The following ACAD9 variants were observed in gnomAD, a reference collection of about 807,000 sequenced individuals.
ACAD9 encodes complex I assembly factor ACAD9, mitochondrial.
A neutral mutation model predicts 70.2 loss-of-function variants in ACAD9; 53 were observed. The ratio of observed to expected loss-of-function variants is 0.75; its 90% CI spans 0.61 to 0.95. The LOEUF is 0.95. ACAD9 is among the 40% of genes least tolerant of loss of function. The probability of loss-of-function intolerance (pLI) is 0.00; values close to 1 mark genes in which losing one functional copy is unlikely to be tolerated. For synonymous variants in ACAD9, 313 were observed against 312.1 expected (o/e 1.00, Z -0.03); for missense variants, 777 against 802.8 (o/e 0.97, Z 0.39).
intron 2 of ACAD9, among the ~76,000 whole-genome samples, chr3:128,890,931 T>A (rs1477989265): frequency 6.7e-6 from 1 of 150,292 alleles, no homozygotes; most frequent in Non-Finnish European, 1.5e-5. Flanking sequence ...AACCTCTGCC[T>A]CCCAGGTTCA....
chr3:128,880,932 T>C (rs1354214262), intron 1 of ACAD9, among the ~76,000 whole-genome samples: 1 of 152,246 alleles, frequency 6.6e-6, no homozygotes, highest in East Asian at 1.9e-4. Context: ...CTCTTTCCTT[T>C]GTATTTCATT....
intron 1 of ACAD9, among the ~76,000 whole-genome samples, chr3:128,882,911 C>T (rs1935134568): frequency 6.6e-6 from 1 of 152,100 alleles, no homozygotes; most frequent in Non-Finnish European, 1.5e-5. Context: ...TACCTGAAGG[C>T]CAATTAGTTG....
chr3:128,907,324 C>T (rs550396993), intron 12 of ACAD9, among the ~76,000 whole-genome samples: 34 of 152,246 alleles, frequency 2.2e-4, no homozygotes, highest in African/African-American at 7.7e-4. Context: ...AGCCTGAGGG[C>T]ACTGGAGTGG....
chr3:128,905,072 G>GT (rs1321055245), intron 11 of ACAD9, among the ~76,000 whole-genome samples: 2 of 152,092 alleles, frequency 1.3e-5, no homozygotes, highest in Non-Finnish European at 1.5e-5. Flanking sequence ...CTTGAACCCG[G>GT]TGGGGGCGGA....
intron 2 of ACAD9, among the ~76,000 whole-genome samples, chr3:128,889,178 A>G (rs144708104): frequency 6.6e-6 from 1 of 151,592 alleles, no homozygotes; most frequent in Non-Finnish European, 1.5e-5. Flanking sequence ...AAAAAAAAAA[A>G]ACAAAAAATA....
intron 1 of ACAD9, 22 bp downstream of exon 1, chr3:128,879,863 C>G (rs1253542989): frequency 8.7e-6 from 14 of 1,613,744 alleles, no homozygotes; most frequent in Non-Finnish European, 1.2e-5. Flanking sequence ...CCTGGGCGAA[C>G]CCTTGCTGTC....
chr3:128,889,851 T>G (rs1290859055), intron 2 of ACAD9, among the ~76,000 whole-genome samples: 1 of 152,182 alleles, frequency 6.6e-6, no homozygotes, highest in Non-Finnish European at 1.5e-5. Context: ...AGACAGGGTC[T>G]TTCTTTGTTG....
intron 2 of ACAD9, among the ~76,000 whole-genome samples, chr3:128,886,460 G>A (rs1935251947): frequency 6.6e-6 from 1 of 150,738 alleles, no homozygotes; most frequent in Non-Finnish European, 1.5e-5. Context: ...TGTAATCCCA[G>A]CACTTACGGA....
intron 13 of ACAD9, 153 bp downstream of exon 13, chr3:128,908,417 G>T (rs891702930): frequency 3.3e-6 from 3 of 897,430 alleles, no homozygotes; most frequent in Admixed American, 2.0e-5. Flanking sequence ...CTGTGGTAGT[G>T]GGGGGCTTGC....
chr3:128,903,648 G>T (rs57412447), intron 9 of ACAD9, among the ~76,000 whole-genome samples: 1 of 152,356 alleles, frequency 6.6e-6, no homozygotes, highest in East Asian at 1.9e-4. Context: ...ACCTGCTTTG[G>T]TCACTGCACG....
intron 11 of ACAD9, among the ~76,000 whole-genome samples, 196 bp from the exon 12 acceptor site, chr3:128,905,922 CAGA>C (rs1935874067): frequency 6.6e-6 from 1 of 152,030 alleles, no homozygotes; most frequent in Non-Finnish European, 1.5e-5. Flanking sequence ...CCCAGAGGTA[CAGA>C]AGGTCATGGT....
intron 7 of ACAD9, among the ~76,000 whole-genome samples, chr3:128,900,749 G>A (rs903985612): frequency 1.3e-5 from 2 of 152,152 alleles, no homozygotes; most frequent in Admixed American, 1.3e-4. Flanking sequence ...TACCTAGCAG[G>A]CAGGGAAAGG....
In ACAD9 at chr3:128,904,099, TAACAA is replaced by T; in HGVS notation, c.997_1001del (p.Asn333GlufsTer4). The T allele has an allele frequency of 6.2e-7, 1 of 1,614,262 alleles. No individual in the cohort carries two copies. The highest frequency in any genetic ancestry group is 1.3e-5 in the African/African-American group (1 of 75,074). On this transcript the variant is annotated frameshift_variant, in exon 10 of 18. Coordinates refer to ENST00000308982, the MANE Select transcript of ACAD9 (RefSeq NM_014049.5). LOFTEE classifies it high-confidence loss of function. ...AGTACGCCTGCACAAGGAAACAGTTTAACAAGAGGCTCAGTGAATTTGGATTGATT... is the reference window on the plus strand; with the variant it reads ...AGTACGCCTGCACAAGGAAACAGTTTGAGGCTCAGTGAATTTGGATTGATT...
intron 2 of ACAD9, among the ~76,000 whole-genome samples, chr3:128,887,931 A>G (rs1427431395): frequency 1.3e-5 from 2 of 152,186 alleles, no homozygotes; most frequent in African/African-American, 4.8e-5. Flanking sequence ...TGCCACGGAA[A>G]TAGAGGCACT....
rs766026673 is a variant in ACAD9 at position 128,884,650 on chromosome 3, TAG to T, written c.151-1_151del. On this transcript the variant is annotated splice_acceptor_variant, in intron 1 of 17. Coordinates refer to ENST00000308982, the MANE Select transcript of ACAD9 (RefSeq NM_014049.5). LOFTEE classifies it high-confidence loss of function. ...TTTTTTAGAAAATATTTACTATTTT[TAG>T]AAAGAAGTTTTCCCATTTCCAGAAG... 9.4e-6 allele frequency: 15 copies of T among 1,602,772 alleles called. No homozygotes were observed. The highest frequency in any genetic ancestry group is 2.6e-6 in the Non-Finnish European group (3 of 1,172,086).
chr3:128,898,743 C>T (rs565117249), intron 6 of ACAD9, among the ~76,000 whole-genome samples: 1 of 152,278 alleles, frequency 6.6e-6, no homozygotes, highest in South Asian at 2.1e-4. Context: ...CCCTGATTGC[C>T]TCATACCTTT....
chr3:128,909,857 T>TG (rs1936070720), intron 15 of ACAD9, 164 bp from the exon 16 acceptor site: 2 of 943,846 alleles, frequency 2.1e-6, no homozygotes, highest in African/African-American at 3.3e-5. Context: ...AAACAGAAGG[T>TG]GGCTGGGAGC....
intron 6 of ACAD9, among the ~76,000 whole-genome samples, chr3:128,898,982 T>C (rs897259541): frequency 3.3e-5 from 5 of 152,252 alleles, no homozygotes; most frequent in Non-Finnish European, 5.9e-5. Flanking sequence ...TTAAACCCTT[T>C]CTTTCTTGAA....
chr3:128,887,846 C>T (rs1935299198), intron 2 of ACAD9, among the ~76,000 whole-genome samples: 1 of 152,062 alleles, frequency 6.6e-6, no homozygotes, highest in Non-Finnish European at 1.5e-5. Flanking sequence ...ACACCTATTT[C>T]ATGTACATTC....
Sources: gnomAD v4.1 joint callset for allele counts (sites outside exome capture counted in the v4.1 genomes callset) on GRCh38, gnomAD v4.1.1 for gene constraint, MANE v1.5 for transcripts, NCBI Gene and HGNC (gene_info 2026-07-23, HGNC 2026-07-21) for gene names.